Variants in TDRD9 observed in about 807,000 individuals in gnomAD.
The protein encoded by TDRD9 is ATP-dependent RNA helicase TDRD9.
Under a neutral mutation model 172.6 loss-of-function variants are expected in TDRD9, and 124 were observed. That is an observed-to-expected ratio of 0.72 (90% confidence interval 0.62 to 0.83). TDRD9 has a LOEUF of 0.83. TDRD9 is among the 40% of genes least tolerant of loss of function. The pLI is 0.00. For missense variants in TDRD9, 1,479 were observed against 1,714.1 expected (o/e 0.86, Z 2.42); for synonymous variants, 619 against 617.1 (o/e 1.00, Z -0.05).
At chr14:104,019,657 T>C (rs539480036) in intron 23 of TDRD9, among the ~76,000 whole-genome samples, 31 of 152,310 alleles carry the variant, frequency 2.0e-4, no homozygotes, top group African/African-American at 7.0e-4. Flanking sequence ...GTATTTCTTT[T>C]GGCATAGAGC....
intron 1 of TDRD9, among the ~76,000 whole-genome samples, chr14:103,945,248 A>G (rs2031497968): frequency 6.6e-6 from 1 of 152,166 alleles, no homozygotes; most frequent in Non-Finnish European, 1.5e-5. Flanking sequence ...TTCCTTCTCC[A>G]CTTACTTGTT....
chr14:103,939,523 TG>T (rs1242168250), intron 1 of TDRD9, among the ~76,000 whole-genome samples: 1 of 151,862 alleles, frequency 6.6e-6, no homozygotes, highest in Non-Finnish European at 1.5e-5. Flanking sequence ...GAATGAGAGG[TG>T]TCTTTATTTT....
rs575032660 is a variant in TDRD9, at chr14:104,017,458, C to T, written c.2332-634C>T. 1.6e-3 allele frequency among the ~76,000 whole-genome samples: 242 copies of T among 152,326 alleles called. 1 individual carries two copies. The highest frequency in any genetic ancestry group is 2.1e-3 in the Non-Finnish European group (141 of 68,030). On this transcript the variant is annotated intron_variant, in intron 22 of 35. Coordinates refer to ENST00000409874, the MANE Select transcript of TDRD9 (RefSeq NM_153046.3). ...TCTGTAACTTGCCTAAGGAGACACG[C>T]GGATTCAGGGAGTGAGGAGACAGGA...
chr14:104,013,141 C>A (rs2034667982), intron 20 of TDRD9, among the ~76,000 whole-genome samples: 1 of 152,050 alleles, frequency 6.6e-6, no homozygotes, highest in African/African-American at 2.4e-5. Context: ...CCTTTCAATT[C>A]TTTTTAGTTG....
chr14:103,940,811 T>C (rs1440424868), intron 1 of TDRD9: 1 of 1,533,672 alleles, frequency 6.5e-7, no homozygotes, highest in East Asian at 2.4e-5. Flanking sequence ...GTAACTTAAC[T>C]AGATGGGTGA....
At chr14:104,046,694 G>A (rs2035787961) in intron 34 of TDRD9, among the ~76,000 whole-genome samples, 2 of 151,612 alleles carry the variant, frequency 1.3e-5, no homozygotes, top group African/African-American at 4.9e-5. Context: ...TGCCCAGGCT[G>A]GAGTGCAGTG....
intron 24 of TDRD9, among the ~76,000 whole-genome samples, chr14:104,023,142 G>A (rs144110601): frequency 4.4e-5 from 5 of 114,936 alleles, no homozygotes; most frequent in Admixed American, 3.8e-4. Context: ...CTGAGATCAC[G>A]CCACTGCACT....
chr14:104,005,491 C>G (rs987336139), intron 15 of TDRD9, 86 bp downstream of exon 15: 32 of 1,438,292 alleles, frequency 2.2e-5, no homozygotes, highest in African/African-American at 4.2e-5. Context: ...CACTTTCCCA[C>G]TAACTCTGAT....
chr14:103,959,753 A>G (rs937628737), intron 2 of TDRD9, among the ~76,000 whole-genome samples: 1 of 152,232 alleles, frequency 6.6e-6, no homozygotes, highest in Non-Finnish European at 1.5e-5. Flanking sequence ...CGATTACAGT[A>G]GAATCATTTT....
At chr14:103,986,184 C>T (rs781156818) in intron 7 of TDRD9, 33 bp from the exon 8 acceptor site, 164 of 1,555,072 alleles carry the variant, frequency 1.1e-4, no homozygotes, top group Non-Finnish European at 1.3e-4. Context: ...ATCCTGTTTT[C>T]GTATTGCGAC....
rs1243750003 is a variant in TDRD9, at chr14:103,980,200, A to G, written c.1011+4647A>G. Among the ~76,000 whole-genome samples the G allele has an allele frequency of 6.7e-6, 1 of 150,144 alleles. No homozygotes were observed. Among genetic ancestry groups the G allele is most frequent in the African/African-American group, 2.5e-5 (1 of 39,532 alleles). On this transcript the variant is annotated intron_variant, in intron 7 of 35. Transcript: ENST00000409874. The surrounding 1 kb of genome is among the most constrained non-coding windows in gnomAD (Gnocchi z 4.5). ...AAATAAAGACACAAGACAAAGAGAT[A>G]AAAGAAAAGACAGCTGGGCCTGGGG...
intron 6 of TDRD9, among the ~76,000 whole-genome samples, chr14:103,974,023 C>T (rs1490605739): frequency 6.6e-6 from 1 of 152,060 alleles, no homozygotes; most frequent in Non-Finnish European, 1.5e-5. Flanking sequence ...CATGGCGAAA[C>T]CCTGCCTCTA....
Position 104,025,749 on chromosome 14 carries a change from C to T in TDRD9, c.2904C>T (p.Val968=), listed in dbSNP as rs1209817112. ...FDKQRYFRAQ[V]LYVSGNSAEV... is the part of the protein sequence containing the mutation. ...AACAACGCTACTTTAGAGCTCAAGT[C>T]CTTTATGTTTCTGGAAATTCTGCTG... Residue 968 remains valine, a synonymous_variant, in exon 26 of 36, where the codon GTC becomes GTT. Transcript: ENST00000409874. 1 of 1,613,878 alleles carries T rather than the reference C, an allele frequency of 6.2e-7. No homozygotes were observed. Among genetic ancestry groups the T allele is most frequent in the Non-Finnish European group, 8.5e-7 (1 of 1,179,852 alleles).
intron 1 of TDRD9, chr14:103,940,639 A>G (rs2031163532): frequency 5.7e-6 from 3 of 523,756 alleles, no homozygotes; most frequent in Non-Finnish European, 1.0e-5. Flanking sequence ...CAATGAAAAC[A>G]TAGCATGTTT....
chr14:104,018,258 G>C, intron 23 of TDRD9, 66 bp downstream of exon 23: 1 of 1,053,248 alleles, frequency 9.5e-7, no homozygotes, highest in South Asian at 1.5e-5. Context: ...GTTTCCAGAC[G>C]CTGATTGTTA....
At chr14:103,961,990 T>C (rs2032532123) in intron 2 of TDRD9, among the ~76,000 whole-genome samples, 1 of 151,978 alleles carries the variant, frequency 6.6e-6, no homozygotes, top group Non-Finnish European at 1.5e-5. Flanking sequence ...GGCTAAGAGT[T>C]TATTTTGGAA....
chr14:103,943,418 CAT>C (rs1188774010), intron 1 of TDRD9, among the ~76,000 whole-genome samples: 1 of 150,200 alleles, frequency 6.7e-6, no homozygotes, highest in Admixed American at 6.7e-5. Flanking sequence ...TATATATACA[CAT>C]AAGTATATAT....
At position 104,022,318 on chromosome 14, in the gene TDRD9, T is replaced by C. The variant is rs2034980463; in HGVS notation, c.2594T>C (p.Leu865Pro). The change falls in exon 24 of 36, where the codon CTC becomes CCC. Residue 865 changes from leucine (L) to proline (P), a missense_variant. By Grantham distance (98) the Leu-to-Pro change is moderately conservative. Coordinates refer to ENST00000409874, the MANE Select transcript of TDRD9 (RefSeq NM_153046.3). ...GKVQGMNVSK[L>P]RNTRVNVDFQ... Reference sequence around the variant, plus strand: ...GTGCAAGGCATGAACGTCTCAAAGCTCAGGAACACAAGGTATTTTCGGGAG... The same window carrying C: ...GTGCAAGGCATGAACGTCTCAAAGCCCAGGAACACAAGGTATTTTCGGGAG... 1 of 1,611,206 alleles carries C rather than the reference T, an allele frequency of 6.2e-7. No individual in the cohort carries two copies. The highest frequency in any genetic ancestry group is 8.5e-7 in the Non-Finnish European group (1 of 1,178,554).
In TDRD9 at chr14:103,928,696, C is replaced by G; in HGVS notation, c.187C>G (p.Pro63Ala). 2 of 1,190,720 alleles carry G rather than the reference C, an allele frequency of 1.7e-6. No individual in the cohort carries two copies. Among genetic ancestry groups the G allele is most frequent in the Non-Finnish European group, 2.1e-6 (2 of 953,452 alleles). 73.8% of individuals were successfully genotyped at this position (1,190,720 alleles called of 1,614,324 possible). A position where few individuals can be genotyped will look rare whatever the true frequency, so the allele number is the denominator to read the frequency against. Residue 63 changes from proline to alanine, a missense_variant, in exon 1 of 36, where the codon CCG becomes GCG. Pro to Ala is a conservative substitution (Grantham distance 27). Transcript: ENST00000409874. ...AAQAPALAQAPARPAAAFERS... is the reference protein window; with the variant it reads ...AAQAPALAQAAARPAAAFERS... ...CCAGGCTCCGGCTCTGGCCCAAGCT[C>G]CGGCCCGGCCGGCCGCTGCGTTCGA...
Sources: gnomAD v4.1 joint callset for allele counts (sites outside exome capture counted in the v4.1 genomes callset) on GRCh38, gnomAD v4.1.1 for gene constraint, Gnocchi (gnomAD v3.1) non-coding constraint, MANE v1.5 for transcripts, NCBI Gene and HGNC (gene_info 2026-07-23, HGNC 2026-07-21) for gene names.